TNRC6B: variants seen among roughly 807,000 people sequenced by gnomAD.
The protein encoded by TNRC6B is trinucleotide repeat-containing gene 6B protein.
Under a neutral mutation model 203.6 loss-of-function variants are expected in TNRC6B, and 52 were observed. That is an observed-to-expected ratio of 0.26 (90% CI 0.20 to 0.32). The LOEUF (loss-of-function observed/expected upper bound fraction) is 0.32. Among genes scored for constraint, TNRC6B ranks in the 10% least tolerant of loss-of-function variants. The probability of loss-of-function intolerance (pLI) is 1.00; values close to 1 mark genes in which losing one functional copy is unlikely to be tolerated. For synonymous variants in TNRC6B, 838 were observed against 845.7 expected (o/e 0.99, Z 0.16); for missense variants, 1,923 against 2,286.2 (o/e 0.84, Z 3.24).
At chr22:40,058,470 G>A (rs1018184332) in intron 1 of TNRC6B, among the ~76,000 whole-genome samples, 2 of 148,612 alleles carry the variant, frequency 1.3e-5, no homozygotes, top group African/African-American at 2.6e-5. Flanking sequence ...GCCAGCCTGC[G>A]CTTCCTGAAC....
chr22:40,304,371 A>C (rs867289724), intron 15 of TNRC6B, among the ~76,000 whole-genome samples: 2 of 152,196 alleles, frequency 1.3e-5, no homozygotes, highest in Non-Finnish European at 2.9e-5. Flanking sequence ...TGGTAATCCC[A>C]GCACTTTGGG....
At chr22:40,102,036 C>G (rs533965527) in intron 1 of TNRC6B, among the ~76,000 whole-genome samples, 2 of 152,198 alleles carry the variant, frequency 1.3e-5, no homozygotes, top group East Asian at 3.9e-4. Flanking sequence ...TTAGGACTTG[C>G]AGAATTTAAT....
At chr22:40,161,072 C>G (rs957644150) in intron 4 of TNRC6B, among the ~76,000 whole-genome samples, 9 of 152,010 alleles carry the variant, frequency 5.9e-5, no homozygotes, top group African/African-American at 2.2e-4. Flanking sequence ...TATTTTCTCT[C>G]AGTCCTTATT....
At chr22:40,201,920 A>G (rs1458577609) in intron 1 of TNRC6B, among the ~76,000 whole-genome samples, 1 of 152,170 alleles carries the variant, frequency 6.6e-6, no homozygotes, top group Non-Finnish European at 1.5e-5. Context: ...AGAATCCGAA[A>G]AAGTTTGAAA....
At chr22:40,128,188 T>C (rs758317618) in intron 3 of TNRC6B, among the ~76,000 whole-genome samples, 10 of 152,220 alleles carry the variant, frequency 6.6e-5, no homozygotes, top group Non-Finnish European at 1.0e-4. Flanking sequence ...TAACTCAGGC[T>C]CTTATGTTTT....
intron 1 of TNRC6B, among the ~76,000 whole-genome samples, chr22:40,079,798 TA>T (rs1303508143): frequency 4.6e-5 from 7 of 151,626 alleles, no homozygotes; most frequent in Middle Eastern, 3.2e-3. Context: ...TTTTTTTTAT[TA>T]TTTTTTTATT....
At chr22:40,293,203 T>C (rs1448610785) in intron 12 of TNRC6B, among the ~76,000 whole-genome samples, 3 of 142,460 alleles carry the variant, frequency 2.1e-5, no homozygotes, top group Non-Finnish European at 4.6e-5. Context: ...TTTTTTTTTT[T>C]TTTTTTTTTT....
intron 1 of TNRC6B, among the ~76,000 whole-genome samples, chr22:40,088,581 C>CTTTT (rs1243933580): frequency 2.8e-5 from 2 of 70,884 alleles, no homozygotes; most frequent in East Asian, 6.8e-4. Context: ...CCGGCGGCTA[C>CTTTT]TTTTGTGTGT....
chr22:40,317,135 CTT>C (rs777072297), intron 21 of TNRC6B, among the ~76,000 whole-genome samples: 47 of 152,182 alleles, frequency 3.1e-4, no homozygotes, highest in Non-Finnish European at 6.5e-4. Flanking sequence ...CAACTAAGTT[CTT>C]TGTTTCTTAA....
chr22:40,301,037 G>A (rs1256597298), intron 14 of TNRC6B, 32 bp downstream of exon 14: 1 of 1,600,842 alleles, frequency 6.2e-7, no homozygotes. Context: ...CTCCAGTGCT[G>A]TGTTGGAGGA....
In TNRC6B at chr22:40,155,489, A is replaced by G. The variant is rs575603055; in HGVS notation, c.46-626A>G. The stretch of plus-strand genomic sequence containing the variant: ...TTTTTAGTAGAGACGGAGTTTCACC[A>G]TGTTGGCCAGGATGGTCTTGATCTC... On this transcript the variant is annotated intron_variant, in intron 3 of 23. Coordinates refer to the TNRC6B transcript ENST00000301923. Among the ~76,000 whole-genome samples the G allele has an allele frequency of 4.6e-5, 7 of 152,204 alleles. No homozygotes were observed. In the East Asian group the frequency reaches 1.4e-3, roughly 29 times the overall value.
intron 1 of TNRC6B, among the ~76,000 whole-genome samples, chr22:40,089,644 A>G (rs1444733610): frequency 1.3e-5 from 2 of 152,130 alleles, no homozygotes; most frequent in Non-Finnish European, 2.9e-5. Context: ...CCGCAGTGTC[A>G]CATCCCACAC....
chr22:40,096,815 A>G (rs2068189346), intron 1 of TNRC6B, among the ~76,000 whole-genome samples: 2 of 152,198 alleles, frequency 1.3e-5, no homozygotes, highest in African/African-American at 4.8e-5. Context: ...ATGTGAATTT[A>G]CTTCTCCATG....
intron 1 of TNRC6B, among the ~76,000 whole-genome samples, chr22:40,211,825 G>A (rs1375767687): frequency 6.6e-6 from 1 of 152,172 alleles, no homozygotes; most frequent in African/African-American, 2.4e-5. Flanking sequence ...GAGGCTCTGG[G>A]AGGGGGAACC....
At chr22:40,082,981 A>G (rs2068073220) in intron 1 of TNRC6B, among the ~76,000 whole-genome samples, 1 of 152,332 alleles carries the variant, frequency 6.6e-6, no homozygotes, top group Non-Finnish European at 1.5e-5. Flanking sequence ...ATACAGGAGA[A>G]CTGGAGTTCC....
At chr22:40,182,149 G>C (rs113227573) in intron 1 of TNRC6B, among the ~76,000 whole-genome samples, 198 of 152,118 alleles carry the variant, frequency 1.3e-3, no homozygotes, top group African/African-American at 4.6e-3. Flanking sequence ...GGAGGCTGAG[G>C]CAGGAGAATC....
At chr22:40,288,463 G>A (rs187000908) in intron 12 of TNRC6B, among the ~76,000 whole-genome samples, 3 of 152,188 alleles carry the variant, frequency 2.0e-5, no homozygotes, top group Non-Finnish European at 4.4e-5. Context: ...CCAGCCCTTT[G>A]GGAGGCTGAG....
At position 40,266,305 on chromosome 22, in the gene TNRC6B, C is replaced by T. The variant is rs1348556183; in HGVS notation, c.2075C>T (p.Pro692Leu). The change falls in exon 5 of 23, where the codon CCC (proline) becomes CTC (leucine). Residue 692 changes from proline (P) to leucine (L), a missense_variant. Pro to Leu is a moderately conservative substitution (Grantham distance 98). Transcript: ENST00000454349. Reference sequence around the variant, plus strand: ...TCAGCCTCTACAGAGTGGAAAGACCCCAAGAACACAGGAGGCTGGAATGAC... The same window carrying T: ...TCAGCCTCTACAGAGTGGAAAGACCTCAAGAACACAGGAGGCTGGAATGAC... The part of the protein sequence containing the change: ...ELSASTEWKD[P>L]KNTGGWNDYK... 3 of 1,595,066 alleles carry T rather than the reference C, an allele frequency of 1.9e-6. No homozygotes were observed. The Admixed American group carries it at 5.4e-5, about 28-fold the overall frequency.
chr22:40,245,864 T>C (rs1247496045), intron 1 of TNRC6B, 151 bp from the exon 2 acceptor site: 6 of 447,344 alleles, frequency 1.3e-5, no homozygotes, highest in Non-Finnish European at 2.4e-5. Flanking sequence ...GTGAGTTTTA[T>C]GGATCCTTTT....
Sources: gnomAD v4.1 joint callset for allele counts (sites outside exome capture counted in the v4.1 genomes callset) on GRCh38, gnomAD v4.1.1 for gene constraint, MANE v1.5 for transcripts, NCBI Gene and HGNC (gene_info 2026-07-23, HGNC 2026-07-21) for gene names.